The following GPR37L1 variants were observed in gnomAD, a reference collection of about 807,000 sequenced individuals.
GPR37L1 encodes G protein-coupled receptor 37 like 1.
GPR37L1 carries 18 observed loss-of-function variants against 18.0 expected under a neutral mutation model. The ratio of observed to expected loss-of-function variants is 1.00; its 90% CI spans 0.69 to 1.49. The LOEUF (loss-of-function observed/expected upper bound fraction) is 1.49. Among genes scored for constraint, GPR37L1 ranks in the 40% most tolerant of loss-of-function variants. The pLI is 0.00. For synonymous variants in GPR37L1, 256 were observed against 273.9 expected (o/e 0.93, Z 0.65); for missense variants, 558 against 615.1 (o/e 0.91, Z 0.98).
rs199819568 is a variant in GPR37L1, at chr1:202,123,288, G to A, written c.325G>A (p.Ala109Thr). The change falls in exon 1 of 2, where the codon GCA becomes ACA. Residue 109 changes from alanine to threonine, a missense_variant. Ala to Thr is a moderately conservative substitution (Grantham distance 58). Coordinates refer to ENST00000367282, the MANE Select transcript of GPR37L1 (RefSeq NM_004767.5). The part of the protein sequence containing the change: ...GQELRGNLTG[A>T]PGQRLQIQNP... ...GGAACTGAGGGGCAATCTGACAGGA[G>A]CACCAGGGCAGAGGCTACAGATCCA... 7.2e-5 allele frequency: 117 copies of A among 1,614,000 alleles called. No individual in the cohort carries two copies. The South Asian group carries it at 1.2e-3, about 17-fold the overall frequency.
chr1:202,126,841 G>A (rs1255980400), intron 1 of GPR37L1, among the ~76,000 whole-genome samples: 1 of 143,804 alleles, frequency 7.0e-6, no homozygotes, highest in African/African-American at 2.9e-5. Flanking sequence ...AAACGTGCGT[G>A]TGTGTGTGTG....
intron 1 of GPR37L1, among the ~76,000 whole-genome samples, chr1:202,124,435 G>A (rs534610544): frequency 1.4e-4 from 22 of 152,286 alleles, no homozygotes; most frequent in African/African-American, 5.1e-4. Flanking sequence ...TAGCGTCTAC[G>A]ATAAGTCCAT....
chr1:202,126,405 G>GAA (rs768904643), intron 1 of GPR37L1, among the ~76,000 whole-genome samples: 1 of 144,604 alleles, frequency 6.9e-6, no homozygotes, highest in Non-Finnish European at 1.5e-5. Context: ...GAGACTCTCG[G>GAA]AAAAAAAAAA....
Position 202,130,217 on chromosome 1 carries a change from G to T in GPR37L1, c.*1661G>T. On this transcript the variant is annotated 3_prime_UTR_variant, in exon 2 of 2. Transcript: ENST00000367282. ...AGGCCACCAGTCGCTCCCCGCCTGG[G>T]AGCTCAGCTTTCCTCAGAACCACCC... The T allele has an allele frequency of 6.5e-6, 1 of 152,674 alleles. No individual in the cohort carries two copies. 9.5% of individuals were successfully genotyped at this position (152,674 alleles called of 1,614,324 possible). A position where few individuals can be genotyped will look rare whatever the true frequency, so the allele number is the denominator to read the frequency against.
chr1:202,127,668 AAGCC>A, intron 1 of GPR37L1, 69 bp from the exon 2 acceptor site: 1 of 1,080,532 alleles, frequency 9.3e-7, no homozygotes, highest in South Asian at 1.5e-5. Context: ...ACTGAGCCAG[AAGCC>A]AGGTGTCCTT....
In GPR37L1 at chr1:202,132,405, T is replaced by G. The variant is rs1045143469; in HGVS notation, c.*3849T>G. On this transcript the variant is annotated 3_prime_UTR_variant, in exon 2 of 2. Transcript: ENST00000367282. Reference sequence around the variant, plus strand: ...CCATCCACATTCTTTCCTCCAACTCTCTGGCAGTGGGGAACTGCCTCTCCA... The same window carrying G: ...CCATCCACATTCTTTCCTCCAACTCGCTGGCAGTGGGGAACTGCCTCTCCA... 2 of 152,290 alleles carry G rather than the reference T, an allele frequency of 1.3e-5. No homozygotes were observed. Among genetic ancestry groups the G allele is most frequent in the African/African-American group, 4.8e-5 (2 of 41,462 alleles). The allele number at this position is 152,290 out of a possible 1,614,324, so 9.4% of individuals were successfully genotyped here.
rs1571715200 is a variant in GPR37L1 at position 202,130,350 on chromosome 1, C to A, written c.*1794C>A. ...AGGGCCCCGGGGGCCCAGGGATGGG[C>A]AGGGGCAGGGTTTCCAAGCGCCTGG... On this transcript the variant is annotated 3_prime_UTR_variant, in exon 2 of 2. Transcript: ENST00000367282. 1.3e-5 allele frequency: 2 copies of A among 152,678 alleles called. No individual in the cohort carries two copies. Among genetic ancestry groups the A allele is most frequent in the Admixed American group, 1.3e-4 (2 of 15,290 alleles). The allele number at this position is 152,678 out of a possible 1,614,324, so 9.5% of individuals were successfully genotyped here. A position where few individuals can be genotyped will look rare whatever the true frequency, so the allele number is the denominator to read the frequency against.
intron 1 of GPR37L1, among the ~76,000 whole-genome samples, chr1:202,126,839 G>A (rs1372932723): frequency 7.2e-4 from 3 of 4,140 alleles, no homozygotes; most frequent in African/African-American, 7.8e-4. Flanking sequence ...AGAAACGTGC[G>A]TGTGTGTGTG....
At position 202,128,031 on chromosome 1, in the gene GPR37L1, C is replaced by T. The variant is rs368966314; in HGVS notation, c.921C>T (p.Asn307=). 84 of 1,614,060 alleles carry T rather than the reference C, an allele frequency of 5.2e-5. No homozygotes were observed. Among genetic ancestry groups the T allele is most frequent in the South Asian group, 8.8e-5 (8 of 91,086 alleles). ...SLYSLVMTYQ[N]ARMWWYFGCY... ...ATTCACTGGTGATGACCTACCAGAACGCCCGCATGTGGTGGTACTTTGGCT... is the reference window on the plus strand; with the variant it reads ...ATTCACTGGTGATGACCTACCAGAATGCCCGCATGTGGTGGTACTTTGGCT... Residue 307 remains asparagine (N), a synonymous_variant, in exon 2 of 2, where the codon AAC becomes AAT. Coordinates refer to ENST00000367282, the MANE Select transcript of GPR37L1 (RefSeq NM_004767.5).
At chr1:202,126,875 G>A (rs944898853) in intron 1 of GPR37L1, among the ~76,000 whole-genome samples, 4 of 148,538 alleles carry the variant, frequency 2.7e-5, no homozygotes, top group South Asian at 4.3e-4. Flanking sequence ...GTGTGCACGC[G>A]TAAGCCATGT....
chr1:202,127,903 C>G lies in GPR37L1; in HGVS notation c.793C>G (p.Pro265Ala), dbSNP rs1438214844. The change falls in exon 2 of 2, where the codon CCT (proline) becomes GCT (alanine). Residue 265 changes from proline (P) to alanine (A), a missense_variant. By Grantham distance (27) the Pro-to-Ala change is conservative. Coordinates refer to ENST00000367282, the MANE Select transcript of GPR37L1 (RefSeq NM_004767.5). ...IWVGSMTLAV[P>A]ELLLWQLAQE... ...GGTGGGCTCCATGACGCTGGCTGTG[C>G]CTGAGCTCCTGCTGTGGCAGCTGGC... is the stretch of plus-strand genomic sequence containing the variant. The G allele has an allele frequency of 6.2e-7, 1 of 1,613,832 alleles. No homozygotes were observed. Among genetic ancestry groups the G allele is most frequent in the Non-Finnish European group, 8.5e-7 (1 of 1,180,004 alleles).
At position 202,128,717 on chromosome 1, in the gene GPR37L1, G is replaced by C; in HGVS notation, c.*161G>C. ...AATGTCAAAGCCCCCTCCCCACACA[G>C]GGCCTTTCCTGTCCCTTGTGGGGCC... On this transcript the variant is annotated 3_prime_UTR_variant, in exon 2 of 2. Transcript: ENST00000367282. 1.7e-6 allele frequency: 1 copy of C among 599,802 alleles called. No individual in the cohort carries two copies. Among genetic ancestry groups the C allele is most frequent in the South Asian group, 2.1e-5 (1 of 47,714 alleles). The allele number at this position is 599,802 out of a possible 1,614,324, so 37.2% of individuals were successfully genotyped here.
rs1654785605 is a variant in GPR37L1, at chr1:202,129,756, GC to G, written c.*1202del. The G allele has an allele frequency of 1.3e-5, 2 of 152,414 alleles. No individual in the cohort carries two copies. Among genetic ancestry groups the G allele is most frequent in the Admixed American group, 1.3e-4 (2 of 15,298 alleles). The allele number at this position is 152,414 out of a possible 1,614,324, so 9.4% of individuals were successfully genotyped here. Reference sequence around the variant, plus strand: ...CCGGAGGACCTAAGTCCTCATCCTGGCCTAAACCCCATGCTCCTTGGGAAGT... The same window carrying G: ...CCGGAGGACCTAAGTCCTCATCCTGGCTAAACCCCATGCTCCTTGGGAAGT... On this transcript the variant is annotated 3_prime_UTR_variant, in exon 2 of 2. Coordinates refer to ENST00000367282, the MANE Select transcript of GPR37L1 (RefSeq NM_004767.5).
chr1:202,132,383 T>C lies in GPR37L1; in HGVS notation c.*3827T>C, dbSNP rs1208508840. On this transcript the variant is annotated 3_prime_UTR_variant, in exon 2 of 2. Transcript: ENST00000367282. Reference sequence around the variant, plus strand: ...ACTTAGCTTCAGATGCCAAATTCCATCCACATTCTTTCCTCCAACTCTCTG... The same window carrying C: ...ACTTAGCTTCAGATGCCAAATTCCACCCACATTCTTTCCTCCAACTCTCTG... 2.0e-5 allele frequency: 3 copies of C among 152,266 alleles called. No homozygotes were observed. The highest frequency in any genetic ancestry group is 2.9e-5 in the Non-Finnish European group (2 of 68,070). 9.4% of individuals were successfully genotyped at this position (152,266 alleles called of 1,614,324 possible). A position where few individuals can be genotyped will look rare whatever the true frequency, so the allele number is the denominator to read the frequency against.
chr1:202,128,238 C>T lies in GPR37L1; in HGVS notation c.1128C>T (p.Asn376=), dbSNP rs758180739. The T allele has an allele frequency of 1.7e-4, 272 of 1,613,884 alleles. 1 individual carries two copies. In the Admixed American group the frequency reaches 3.0e-3, roughly 18 times the overall value. Residue 376 remains asparagine, a synonymous_variant, in exon 2 of 2, where the codon AAC becomes AAT. Transcript: ENST00000367282. The part of the protein sequence containing the change: ...VVYAFCTLPE[N]VCNIVVAYLS... ...ACGCCTTCTGCACCCTCCCAGAGAA[C>T]GTCTGCAACATCGTGGTGGCCTACC...
rs546072985 is a variant in GPR37L1, at chr1:202,132,156, G to A, written c.*3600G>A. 4.6e-5 allele frequency: 7 copies of A among 152,206 alleles called. No individual in the cohort carries two copies. The highest frequency in any genetic ancestry group is 1.0e-4 in the Non-Finnish European group (7 of 68,034). 9.4% of individuals were successfully genotyped at this position (152,206 alleles called of 1,614,324 possible). A position where few individuals can be genotyped will look rare whatever the true frequency, so the allele number is the denominator to read the frequency against. On this transcript the variant is annotated 3_prime_UTR_variant, in exon 2 of 2. Transcript: ENST00000367282. ...CCTCAATCCTCAGTGAGGATCACAG[G>A]ATCTGAGAAAGGCACCTTGGCCTGG...
Position 202,127,789 on chromosome 1 carries a change from G to C in GPR37L1, c.679G>C (p.Asp227His). 6.2e-7 allele frequency: 1 copy of C among 1,606,136 alleles called. No homozygotes were observed. Among genetic ancestry groups the C allele is most frequent in the Non-Finnish European group, 8.5e-7 (1 of 1,175,238 alleles). ...TTFSLCALGI[D>H]RFHVATSTLP... ...TTTCAGCCTCTGTGCCCTGGGCATT[G>C]ACCGCTTCCACGTGGCCACCAGCAC... The change falls in exon 2 of 2, where the codon GAC becomes CAC. Residue 227 changes from aspartate (D) to histidine (H), a missense_variant. Physicochemically the swap from Asp to His is moderately conservative, Grantham distance 81. Coordinates refer to ENST00000367282, the MANE Select transcript of GPR37L1 (RefSeq NM_004767.5).
At position 202,128,251 on chromosome 1, in the gene GPR37L1, G is replaced by C; in HGVS notation, c.1141G>C (p.Val381Leu). The change falls in exon 2 of 2, where the codon GTG (valine) becomes CTG (leucine). Residue 381 changes from valine to leucine, a missense_variant. By Grantham distance (32) the Val-to-Leu change is conservative (BLOSUM62 1). Coordinates refer to ENST00000367282, the MANE Select transcript of GPR37L1 (RefSeq NM_004767.5). ...CCTCCCAGAGAACGTCTGCAACATC[G>C]TGGTGGCCTACCTCTCCACCGAGCT... ...CTLPENVCNI[V>L]VAYLSTELTR... 6.2e-7 allele frequency: 1 copy of C among 1,613,930 alleles called. No homozygotes were observed. The highest frequency in any genetic ancestry group is 1.3e-5 in the African/African-American group (1 of 75,000).
At chr1:202,124,404 C>A (rs749960256) in intron 1 of GPR37L1, among the ~76,000 whole-genome samples, 3 of 152,188 alleles carry the variant, frequency 2.0e-5, no homozygotes, top group Non-Finnish European at 4.4e-5. Flanking sequence ...CTAAAGTATA[C>A]CACTATGCCC....
Sources: allele counts gnomAD v4.1 joint callset (sites outside exome capture counted in the v4.1 genomes callset), GRCh38; gene constraint gnomAD v4.1.1; transcripts MANE v1.5; gene names NCBI Gene and HGNC (gene_info 2026-07-23, HGNC 2026-07-21).